Variants in SPAG17 observed in about 807,000 individuals in gnomAD.
The protein encoded by SPAG17 is sperm-associated antigen 17.
Under a neutral mutation model 273.6 loss-of-function variants are expected in SPAG17, and 169 were observed. The observed-to-expected ratio is 0.62, with a 90% CI of 0.55 to 0.70. The LOEUF (loss-of-function observed/expected upper bound fraction) is 0.70. SPAG17 is among the 30% of genes least tolerant of loss of function. SPAG17 has a pLI of 0.00. For synonymous variants in SPAG17, 825 were observed against 873.2 expected, an observed-to-expected ratio of 0.94 and a Z score of 0.97; for missense variants, 2,557 against 2,627.8, an observed-to-expected ratio of 0.97 and a Z score of 0.59.
chr1:118,092,067 G>T, intron 8 of SPAG17, 65 bp from the exon 9 acceptor site: 1 of 1,355,358 alleles, frequency 7.4e-7, no homozygotes, highest in Non-Finnish European at 1.1e-6. Context: ...CTCATCAAAT[G>T]CTGGTATGAT....
At chr1:118,059,036 C>CT (rs1421336913) in intron 18 of SPAG17, among the ~76,000 whole-genome samples, 4 of 152,140 alleles carry the variant, frequency 2.6e-5, no homozygotes, top group African/African-American at 7.2e-5. Flanking sequence ...TGAGAATACT[C>CT]TGTTTAATTT....
chr1:117,991,291 T>G (rs1469998331), intron 37 of SPAG17, 124 bp downstream of exon 37: 7 of 543,900 alleles, frequency 1.3e-5, no homozygotes, highest in African/African-American at 2.0e-5. Context: ...AAATTGAAAA[T>G]TATGAGGAGG....
chr1:117,964,041 A>C, intron 47 of SPAG17, 103 bp from the exon 48 acceptor site: 2 of 1,357,202 alleles, frequency 1.5e-6, no homozygotes. Context: ...TGGCAACATC[A>C]GTTCAATTTT....
chr1:118,033,996 T>G (rs1434320158), intron 24 of SPAG17, among the ~76,000 whole-genome samples: 1 of 152,188 alleles, frequency 6.6e-6, no homozygotes, highest in Non-Finnish European at 1.5e-5. Flanking sequence ...TGTGTAGATG[T>G]ACCACGAATT....
chr1:118,065,275 C>T (rs1275789287), intron 18 of SPAG17, among the ~76,000 whole-genome samples: 1 of 151,944 alleles, frequency 6.6e-6, no homozygotes, highest in Non-Finnish European at 1.5e-5. Flanking sequence ...AAGTAGAAAA[C>T]ATGAAGAGTC....
In SPAG17 at chr1:117,987,892, G is replaced by C. The variant is rs753823668; in HGVS notation, c.5622-11C>G. The C allele has an allele frequency of 6.2e-7, 1 of 1,613,426 alleles. No homozygotes were observed. ...GAGGATGCTGTGTGTCTATGTGAAA[G>C]GAAAGGAAAGTATGGTGAAAAGGGG... On this transcript the variant is annotated splice_polypyrimidine_tract_variant and intron_variant, in intron 39 of 48. Transcript: ENST00000336338.
intron 24 of SPAG17, among the ~76,000 whole-genome samples, chr1:118,036,150 TG>T (rs1649049799): frequency 6.6e-6 from 1 of 151,940 alleles, no homozygotes; most frequent in African/African-American, 2.4e-5. Flanking sequence ...ATTGTGCCAC[TG>T]CACTCCAGCC....
chr1:117,984,582 G>A (rs891873245), intron 41 of SPAG17, 101 bp downstream of exon 41: 1 of 747,952 alleles, frequency 1.3e-6, no homozygotes, highest in African/African-American at 1.8e-5. Flanking sequence ...ATGCAGGAAA[G>A]AATTAAACAG....
chr1:118,022,913 G>C (rs1372300051), intron 28 of SPAG17, among the ~76,000 whole-genome samples: 1 of 152,056 alleles, frequency 6.6e-6, no homozygotes, highest in Non-Finnish European at 1.5e-5. Context: ...GGAAGTTGCT[G>C]AATGAGGACC....
intron 44 of SPAG17, among the ~76,000 whole-genome samples, chr1:117,972,422 C>T (rs1488188334): frequency 1.3e-5 from 2 of 152,240 alleles, no homozygotes; most frequent in Non-Finnish European, 2.9e-5. Flanking sequence ...ACTTTACCCC[C>T]AGAGTTTTTC....
At position 118,026,133 on chromosome 1, in the gene SPAG17, AC is replaced by A. The variant is rs144732439; in HGVS notation, c.3731-718del. Among the ~76,000 whole-genome samples, 1,069 of 152,106 alleles carry A rather than the reference AC, an allele frequency of 7.0e-3. 11 individuals are homozygous for A. The highest frequency in any genetic ancestry group is 0.024 in the African/African-American group (1,013 of 41,498). On this transcript the variant is annotated intron_variant, in intron 26 of 48. Coordinates refer to ENST00000336338, the MANE Select transcript of SPAG17 (RefSeq NM_206996.4). ...GTTGCCCATAGCCCCAGGGGAAGTC[AC>A]CCCCTCAGGCTTGCCTTTCCTAAGT... is the stretch of plus-strand genomic sequence containing the variant.
intron 4 of SPAG17, among the ~76,000 whole-genome samples, chr1:118,103,754 A>T (rs1334451370): frequency 6.6e-6 from 1 of 152,066 alleles, no homozygotes; most frequent in Non-Finnish European, 1.5e-5. Context: ...TTTCATAAGT[A>T]GGTGATGAAG....
At chr1:118,160,872 C>G (rs970587373) in intron 1 of SPAG17, among the ~76,000 whole-genome samples, 4 of 152,138 alleles carry the variant, frequency 2.6e-5, no homozygotes, top group African/African-American at 9.7e-5. Flanking sequence ...GGGAGCAGTG[C>G]CAGATCTTCT....
chr1:118,131,953 G>C (rs943490557), intron 3 of SPAG17, among the ~76,000 whole-genome samples: 14 of 152,182 alleles, frequency 9.2e-5, no homozygotes, highest in African/African-American at 3.4e-4. Flanking sequence ...AACTTTTACA[G>C]AGCACCCATT....
chr1:118,080,809 A>G (rs966262776), intron 15 of SPAG17, among the ~76,000 whole-genome samples: 10 of 152,156 alleles, frequency 6.6e-5, no homozygotes, highest in African/African-American at 2.2e-4. Flanking sequence ...AATGTTTATA[A>G]TTTTTAGCAC....
At chr1:117,970,286 G>A (rs1251770540) in intron 45 of SPAG17, among the ~76,000 whole-genome samples, 170 bp from the exon 46 acceptor site, 1 of 152,190 alleles carries the variant, frequency 6.6e-6, no homozygotes, top group Non-Finnish European at 1.5e-5. Flanking sequence ...AGAATCTGGG[G>A]CCCATTTCAC....
At chr1:118,092,052 A>G in intron 8 of SPAG17, 50 bp from the exon 9 acceptor site, 1 of 1,497,076 alleles carries the variant, frequency 6.7e-7, no homozygotes, top group Non-Finnish European at 9.3e-7. Flanking sequence ...CAGCTGAGAG[A>G]TGCCCTCATC....
chr1:118,074,403 G>A (rs959918159), intron 16 of SPAG17, 136 bp downstream of exon 16: 17 of 778,982 alleles, frequency 2.2e-5, no homozygotes, highest in Middle Eastern at 3.0e-4. Context: ...GGGGATGTCC[G>A]AATAGTTCCT....
Position 118,093,181 on chromosome 1 carries a change from A to T in SPAG17, c.1148T>A (p.Val383Glu). Residue 383 changes from valine to glutamate, a missense_variant, in exon 8 of 49, where the codon GTA (valine) becomes GAA (glutamate). Transcript: ENST00000336338. ...CTCTGAAGTTGGCATGGCTTCTAATACAGGTTTCTCATTAACCACTTGTGG... is the reference window on the plus strand; with the variant it reads ...CTCTGAAGTTGGCATGGCTTCTAATTCAGGTTTCTCATTAACCACTTGTGG... ...NVPQVVNEKPVLEAMPTSEAP... is the reference protein window; with the variant it reads ...NVPQVVNEKPELEAMPTSEAP... 1 of 1,613,674 alleles carries T rather than the reference A, an allele frequency of 6.2e-7. No homozygotes were observed. Among genetic ancestry groups the T allele is most frequent in the Middle Eastern group, 1.7e-4 (1 of 6,054 alleles).
Sources: gnomAD v4.1 joint callset for allele counts (sites outside exome capture counted in the v4.1 genomes callset) on GRCh38, gnomAD v4.1.1 for gene constraint, MANE v1.5 for transcripts, NCBI Gene and HGNC (gene_info 2026-07-23, HGNC 2026-07-21) for gene names.